Variants in SV2C observed in about 807,000 individuals in gnomAD.
SV2C encodes the protein synaptic vesicle glycoprotein 2C.
A neutral mutation model predicts 79.7 loss-of-function variants in SV2C; 49 were observed. The observed-to-expected ratio is 0.61, with a 90% CI of 0.49 to 0.78. The LOEUF (loss-of-function observed/expected upper bound fraction) is 0.78, where lower values mean the gene tolerates loss of function less well. Among genes scored for constraint, SV2C ranks in the 30% least tolerant of loss-of-function variants. The pLI, the probability that SV2C is intolerant of heterozygous loss-of-function variation, is 0.00. For synonymous variants in SV2C, 334 were observed against 333.2 expected, an observed-to-expected ratio of 1.00 and a Z score of -0.03; for missense variants, 833 against 912.9, an observed-to-expected ratio of 0.91 and a Z score of 1.13.
intron 4 of SV2C, among the ~76,000 whole-genome samples, chr5:76,248,442 T>A (rs1439748669): frequency 6.6e-6 from 1 of 152,298 alleles, no homozygotes; most frequent in East Asian, 1.9e-4. Flanking sequence ...CGTATTGAAT[T>A]CAGGCCCACC....
intron 4 of SV2C, among the ~76,000 whole-genome samples, chr5:76,271,616 C>CTTTGTTTT (rs1746862117): frequency 1.0e-5 from 1 of 96,062 alleles, no homozygotes; most frequent in African/African-American, 3.9e-5. Flanking sequence ...AGCATGTGTT[C>CTTTGTTTT]TTTTTTTTTT....
the SV2C span, among the ~76,000 whole-genome samples, chr5:76,013,468 C>T: frequency 3.9e-5 from 6 of 152,234 alleles, no homozygotes; most frequent in South Asian, 4.1e-4. Flanking sequence ...TATCCTGAGA[C>T]TTTGCTGAAG....
At position 76,349,668 on chromosome 5, in the gene SV2C, C is replaced by CTT. The variant is rs1251447221; in HGVS notation, c.2001-3462_2001-3461insTT. ...TGGAAAGAGATGGATTTTTAGCCTT[C>CTT]ATTTTTTTTTTTTTTTTTTGAAGCA... On this transcript the variant is annotated intron_variant, in intron 12 of 12. Transcript: ENST00000322285. Among the ~76,000 whole-genome samples the CTT allele has an allele frequency of 8.1e-4, 118 of 145,464 alleles. 1 individual carries two copies. The South Asian group carries it at 0.015, about 19-fold the overall frequency.
the SV2C span, chr5:76,075,678 T>C: frequency 2.9e-6 from 1 of 342,486 alleles, no homozygotes. Context: ...ATTAACTGAC[T>C]AGATTAGTAA....
intron 2 of SV2C, among the ~76,000 whole-genome samples, chr5:76,141,273 A>G (rs1217039623): frequency 6.6e-6 from 1 of 152,170 alleles, no homozygotes; most frequent in African/African-American, 2.4e-5. Flanking sequence ...TCCTTCTGCC[A>G]CCCTGAAGGT....
the SV2C span, among the ~76,000 whole-genome samples, chr5:75,889,158 A>G: frequency 2.6e-5 from 4 of 151,736 alleles, no homozygotes; most frequent in African/African-American, 9.7e-5. Context: ...ACATAGGTAT[A>G]CATGTGGCAT....
the SV2C span, among the ~76,000 whole-genome samples, chr5:76,044,205 C>T: frequency 1.3e-5 from 2 of 152,178 alleles, no homozygotes; most frequent in Admixed American, 6.5e-5. Context: ...ATAATGGCTT[C>T]CAGCTCTATC....
chr5:76,223,206 G>A (rs1309402989), intron 4 of SV2C, among the ~76,000 whole-genome samples: 2 of 151,908 alleles, frequency 1.3e-5, no homozygotes, highest in Admixed American at 1.3e-4. Flanking sequence ...CTTAGGCTGA[G>A]GTGGGAGGAT....
the SV2C span, among the ~76,000 whole-genome samples, chr5:75,880,221 C>A: frequency 0.015 from 2,272 of 152,104 alleles, 75 homozygotes; most frequent in African/African-American, 0.053. Context: ...CTATTAGCAC[C>A]TGACTGCCTT....
the SV2C span, among the ~76,000 whole-genome samples, chr5:76,058,693 G>C: frequency 6.6e-6 from 1 of 152,020 alleles, no homozygotes; most frequent in Non-Finnish European, 1.5e-5. Flanking sequence ...GAGATAATTT[G>C]CCTTATAATA....
intron 2 of SV2C, among the ~76,000 whole-genome samples, chr5:76,154,022 T>C (rs1742648888): frequency 6.6e-6 from 1 of 152,198 alleles, no homozygotes; most frequent in Non-Finnish European, 1.5e-5. Context: ...GACCTGTTAG[T>C]AGTCATGGAC....
At chr5:76,072,289 A>G in the SV2C span, among the ~76,000 whole-genome samples, 1 of 152,258 alleles carries the variant, frequency 6.6e-6, no homozygotes, top group Non-Finnish European at 1.5e-5. Context: ...GTGAACAATT[A>G]TTCAAAATGT....
At chr5:76,031,044 C>A in the SV2C span, among the ~76,000 whole-genome samples, 23 of 152,124 alleles carry the variant, frequency 1.5e-4, no homozygotes, top group African/African-American at 5.3e-4. Flanking sequence ...ATCAGCATAT[C>A]ATGATATTTT....
intron 1 of SV2C, among the ~76,000 whole-genome samples, chr5:76,124,314 T>C (rs920973195): frequency 1.3e-5 from 2 of 152,210 alleles, no homozygotes; most frequent in Admixed American, 6.5e-5. Flanking sequence ...ATATCCTGTC[T>C]CTATTATTTT....
At chr5:75,972,182 G>A in the SV2C span, among the ~76,000 whole-genome samples, 1 of 152,042 alleles carries the variant, frequency 6.6e-6, no homozygotes, top group African/African-American at 2.4e-5. Flanking sequence ...AATTCAAGAT[G>A]GATTAAAGAT....
the SV2C span, among the ~76,000 whole-genome samples, chr5:75,940,454 G>GTTC: frequency 0.56 from 85,291 of 151,696 alleles, 24,623 homozygotes; most frequent in African/African-American, 0.7. Flanking sequence ...GTCAGGTTTT[G>GTTC]TTCTTAATAT....
At chr5:75,952,274 C>CCTTCCTTCCTTCCTTCCTTT in the SV2C span, among the ~76,000 whole-genome samples, 1 of 134,130 alleles carries the variant, frequency 7.5e-6, no homozygotes, top group Non-Finnish European at 1.7e-5. Context: ...TTCCTTCCTT[C>CCTTCCTTCCTTCCTTCCTTT]CTTCCTTCCT....
At chr5:76,259,726 G>A (rs1335374357) in intron 4 of SV2C, among the ~76,000 whole-genome samples, 1 of 151,684 alleles carries the variant, frequency 6.6e-6, no homozygotes, top group African/African-American at 2.4e-5. Context: ...GTGTTAGTTT[G>A]CTGAAGATGA....
chr5:76,149,468 T>C (rs115279682), intron 2 of SV2C, among the ~76,000 whole-genome samples: 2,770 of 152,284 alleles, frequency 0.018, 96 homozygotes, highest in African/African-American at 0.063. Context: ...TGAATCCCAC[T>C]TGGAGTGGTG....
Sources: gnomAD v4.1 joint callset for allele counts (sites outside exome capture counted in the v4.1 genomes callset) on GRCh38, gnomAD v4.1.1 for gene constraint, MANE v1.5 for transcripts, NCBI Gene and HGNC (gene_info 2026-07-23, HGNC 2026-07-21) for gene names.